The following NCALD variants were observed in gnomAD, a reference collection of about 807,000 sequenced individuals.
NCALD encodes the protein neurocalcin delta.
NCALD carries 10 observed loss-of-function variants against 18.6 expected under a neutral mutation model. That is an observed-to-expected ratio of 0.54 (90% CI 0.33 to 0.91). NCALD has a LOEUF of 0.91. NCALD is among the 40% of genes least tolerant of loss of function. The pLI is 0.03. For synonymous variants in NCALD, 88 were observed against 87.4 expected (o/e 1.01, Z -0.04); for missense variants, 184 against 247.6 (o/e 0.74, Z 1.72).
At chr8:101,924,861 T>C (rs925922809) in intron 2 of NCALD, among the ~76,000 whole-genome samples, 1 of 152,214 alleles carries the variant, frequency 6.6e-6, no homozygotes, top group Non-Finnish European at 1.5e-5. Flanking sequence ...CTTTCCATTT[T>C]CATAAACATA....
At chr8:101,991,349 A>G (rs1821041140) in intron 2 of NCALD, among the ~76,000 whole-genome samples, 2 of 152,188 alleles carry the variant, frequency 1.3e-5, no homozygotes, top group Admixed American at 1.3e-4. Context: ...TTAGAGCAGC[A>G]AGCAGGATGA....
At chr8:101,922,498 G>A (rs1329543372) in intron 2 of NCALD, among the ~76,000 whole-genome samples, 1 of 152,176 alleles carries the variant, frequency 6.6e-6, no homozygotes, top group African/African-American at 2.4e-5. Context: ...TGAAAGAGCA[G>A]GAACATGTAG....
At chr8:102,039,527 T>C (rs1000822509) in intron 1 of NCALD, among the ~76,000 whole-genome samples, 1 of 152,202 alleles carries the variant, frequency 6.6e-6, no homozygotes, top group African/African-American at 2.4e-5. Context: ...ATATCATTAA[T>C]ATGATAGAGC....
Position 101,689,885 on chromosome 8 carries a change from T to TG in NCALD, c.485-480dup, listed in dbSNP as rs1422180793. Among the ~76,000 whole-genome samples the TG allele has an allele frequency of 2.6e-5, 4 of 152,176 alleles. No individual in the cohort carries two copies. ...ACTTCGTGTTCTTCAGGCCACTCTG[T>TG]GTTCTTAGGTTTGCTGCAAGAGCCC... On this transcript the variant is annotated intron_variant, in intron 3 of 3. Transcript: ENST00000220931. The surrounding 1 kb of genome is among the most constrained non-coding windows in gnomAD (Gnocchi z 4.4).
chr8:101,912,341 A>T (rs1255471535), intron 3 of NCALD, among the ~76,000 whole-genome samples: 1 of 152,182 alleles, frequency 6.6e-6, no homozygotes, highest in African/African-American at 2.4e-5. Flanking sequence ...TTATAAAATG[A>T]GTTATTAAGG....
At chr8:101,871,839 C>T (rs1164414318) in intron 4 of NCALD, 1 of 516,476 alleles carries the variant, frequency 1.9e-6, no homozygotes, top group Non-Finnish European at 3.5e-6. Flanking sequence ...CTCAGTCACC[C>T]TTGGAATCGC....
chr8:101,945,925 A>G (rs1476972001), intron 2 of NCALD, among the ~76,000 whole-genome samples: 2 of 152,206 alleles, frequency 1.3e-5, no homozygotes, highest in African/African-American at 2.4e-5. Context: ...TGCAGGCACA[A>G]AGCATTTAGA....
At chr8:101,871,154 C>T (rs780445505) in intron 4 of NCALD, among the ~76,000 whole-genome samples, 7 of 152,074 alleles carry the variant, frequency 4.6e-5, no homozygotes, top group East Asian at 1.9e-4. Context: ...GTATTCCTGG[C>T]GCAGCTTAAC....
intron 4 of NCALD, among the ~76,000 whole-genome samples, chr8:101,824,575 C>T (rs79916074): frequency 0.041 from 6,295 of 151,858 alleles, 321 homozygotes; most frequent in East Asian, 0.12. Flanking sequence ...TTTAGCTCAA[C>T]AATAAGACAA....
At chr8:102,086,858 A>T (rs1434312519) in intron 1 of NCALD, among the ~76,000 whole-genome samples, 2 of 152,214 alleles carry the variant, frequency 1.3e-5, no homozygotes, top group Admixed American at 1.3e-4. Flanking sequence ...GTTGCAGTAA[A>T]GAAAAGCCAG....
At chr8:101,726,186 G>A (rs1816565853) in intron 1 of NCALD, among the ~76,000 whole-genome samples, 1 of 152,298 alleles carries the variant, frequency 6.6e-6, no homozygotes, top group African/African-American at 2.4e-5. Context: ...TGTGGAACCT[G>A]GAGGTGACTG....
intron 2 of NCALD, among the ~76,000 whole-genome samples, chr8:101,970,412 G>A (rs879008813): frequency 7.2e-5 from 11 of 152,008 alleles, no homozygotes; most frequent in Admixed American, 2.6e-4. Flanking sequence ...TCCATCAATG[G>A]TACTGCCTGC....
chr8:102,030,469 T>G (rs1041888398), intron 1 of NCALD, among the ~76,000 whole-genome samples: 25 of 152,250 alleles, frequency 1.6e-4, no homozygotes, highest in Admixed American at 1.6e-3. Context: ...AGTTCATGTA[T>G]GTATATAAAC....
chr8:101,783,777 A>G (rs1161496139), intron 1 of NCALD, among the ~76,000 whole-genome samples: 1 of 152,216 alleles, frequency 6.6e-6, no homozygotes, highest in Non-Finnish European at 1.5e-5. Flanking sequence ...GTGTAGCCCA[A>G]ATCTTTTCCT....
intron 1 of NCALD, among the ~76,000 whole-genome samples, chr8:102,031,146 A>G (rs1822655008): frequency 6.6e-6 from 1 of 152,206 alleles, no homozygotes; most frequent in Non-Finnish European, 1.5e-5. Flanking sequence ...CTCAAATTCC[A>G]GCCACCATGC....
In NCALD at chr8:101,687,359, G is replaced by T. The variant is rs370298802; in HGVS notation, c.*1950C>A. On this transcript the variant is annotated 3_prime_UTR_variant, in exon 4 of 4. Coordinates refer to ENST00000220931, the MANE Select transcript of NCALD (RefSeq NM_032041.3). ...TGCCTTCTGTGTCTTAGGTTAATTCGCTATTTTCCAAACACAGATTTTAAC... is the reference window on the plus strand; with the variant it reads ...TGCCTTCTGTGTCTTAGGTTAATTCTCTATTTTCCAAACACAGATTTTAAC... 2 of 152,664 alleles carry T rather than the reference G, an allele frequency of 1.3e-5. No homozygotes were observed. 9.5% of individuals were successfully genotyped at this position (152,664 alleles called of 1,614,324 possible).
chr8:101,966,983 T>A (rs919544916), intron 2 of NCALD, among the ~76,000 whole-genome samples: 17 of 152,180 alleles, frequency 1.1e-4, no homozygotes, highest in Admixed American at 9.8e-4. Context: ...ATAATATATA[T>A]TCATGATGCT....
chr8:102,091,796 G>A (rs1587064630), intron 1 of NCALD, among the ~76,000 whole-genome samples: 1 of 152,178 alleles, frequency 6.6e-6, no homozygotes, highest in South Asian at 2.1e-4. Context: ...CTTTCTGACT[G>A]AGCTTCTCTC....
intron 1 of NCALD, among the ~76,000 whole-genome samples, chr8:102,043,032 A>T (rs1045786381): frequency 1.3e-5 from 2 of 151,938 alleles, no homozygotes; most frequent in Admixed American, 6.5e-5. Context: ...AAAGTAGCCA[A>T]CATACCACTC....
Sources: allele counts gnomAD v4.1 joint callset (sites outside exome capture counted in the v4.1 genomes callset), GRCh38; gene constraint gnomAD v4.1.1; non-coding constraint Gnocchi (gnomAD v3.1); transcripts MANE v1.5; gene names NCBI Gene and HGNC (gene_info 2026-07-23, HGNC 2026-07-21).